Variants in CAST observed in about 807,000 individuals in gnomAD.
CAST encodes the protein MIR583 host.
A neutral mutation model predicts 119.6 loss-of-function variants in CAST; 76 were observed. The ratio of observed to expected loss-of-function variants is 0.64; its 90% confidence interval spans 0.53 to 0.77. The LOEUF is 0.77. CAST is among the 30% of genes least tolerant of loss of function. The pLI, the probability that CAST is intolerant of heterozygous loss-of-function variation, is 0.00. For missense variants in CAST, 953 were observed against 946.5 expected (o/e 1.01, Z -0.09); for synonymous variants, 319 against 331.6 (o/e 0.96, Z 0.41).
the CAST span, among the ~76,000 whole-genome samples, chr5:96,163,068 C>A: frequency 6.6e-6 from 1 of 152,096 alleles, no homozygotes; most frequent in Non-Finnish European, 1.5e-5. Context: ...CAACATCTTT[C>A]CTTTTTATAG....
At chr5:96,059,983 G>A in the CAST span, among the ~76,000 whole-genome samples, 1 of 152,044 alleles carries the variant, frequency 6.6e-6, no homozygotes, top group African/African-American at 2.4e-5. Flanking sequence ...AAACCATACA[G>A]ATCCTGAAGG....
the CAST span, among the ~76,000 whole-genome samples, chr5:96,073,077 CA>C: frequency 2.0e-5 from 3 of 152,180 alleles, no homozygotes; most frequent in African/African-American, 7.2e-5. Context: ...GAGCACTTAC[CA>C]AAAGTTTTTC....
intron 4 of CAST, among the ~76,000 whole-genome samples, chr5:96,725,608 C>T (rs1367906677): frequency 6.6e-6 from 1 of 152,178 alleles, no homozygotes; most frequent in East Asian, 1.9e-4. Context: ...TTATTATATT[C>T]AGCACAATCA....
At chr5:96,054,755 T>C in the CAST span, among the ~76,000 whole-genome samples, 1 of 152,220 alleles carries the variant, frequency 6.6e-6, no homozygotes, top group South Asian at 2.1e-4. Context: ...GAGTGCATTT[T>C]CCTTCTAATA....
the CAST span, among the ~76,000 whole-genome samples, chr5:96,315,988 A>G: frequency 5.3e-5 from 8 of 152,294 alleles, no homozygotes; most frequent in South Asian, 2.1e-4. Context: ...AGTACCCCCA[A>G]GTGAACTCCT....
At chr5:96,727,714 T>C (rs926490960) in intron 6 of CAST, among the ~76,000 whole-genome samples, 184 bp downstream of exon 6, 3 of 152,114 alleles carry the variant, frequency 2.0e-5, no homozygotes, top group African/African-American at 7.2e-5. Flanking sequence ...TAAGTCCGTA[T>C]ATTGTTAAAA....
At chr5:96,525,163 T>C (rs1745577890), upstream of CAST, 1 of 152,266 alleles carries the variant, frequency 6.6e-6, no homozygotes, top group African/African-American at 2.4e-5. Context: ...ATTTCACTGA[T>C]GCTTTGTCAG....
chr5:96,437,679 C>T, the CAST span, among the ~76,000 whole-genome samples: 1 of 152,062 alleles, frequency 6.6e-6, no homozygotes. Context: ...AAATGCAGAC[C>T]CTCAGCCCCC....
chr5:96,628,680 G>A (rs971823176), intron 1 of CAST, among the ~76,000 whole-genome samples: 1 of 152,170 alleles, frequency 6.6e-6, no homozygotes, highest in African/African-American at 2.4e-5. Flanking sequence ...TCAGTGAAGG[G>A]AGGATAATAA....
chr5:96,367,294 C>G, the CAST span, among the ~76,000 whole-genome samples: 4 of 103,500 alleles, frequency 3.9e-5, no homozygotes, highest in Non-Finnish European at 8.5e-5. Flanking sequence ...AGGGGGCAGT[C>G]TGTCCATTCT....
chr5:96,482,457 C>G, the CAST span, among the ~76,000 whole-genome samples: 1 of 151,570 alleles, frequency 6.6e-6, no homozygotes, highest in Admixed American at 6.6e-5. Context: ...CTCCAGGTCT[C>G]TTAGAGGAAT....
the CAST span, among the ~76,000 whole-genome samples, chr5:96,010,090 A>G: frequency 6.6e-6 from 1 of 152,184 alleles, no homozygotes; most frequent in South Asian, 2.1e-4. Flanking sequence ...CTTGTCAAAG[A>G]TCAGATGGTT....
intron 1 of CAST, among the ~76,000 whole-genome samples, chr5:96,619,890 C>G (rs572817533): frequency 6.6e-6 from 1 of 152,324 alleles, no homozygotes; most frequent in South Asian, 2.1e-4. Flanking sequence ...GGTTACCTGA[C>G]TTGAATTGGG....
At chr5:96,417,370 T>G in the CAST span, among the ~76,000 whole-genome samples, 1 of 152,110 alleles carries the variant, frequency 6.6e-6, no homozygotes, top group Non-Finnish European at 1.5e-5. Context: ...AACACCTGCT[T>G]CTTTTATGTA....
At chr5:96,462,606 A>G in the CAST span, among the ~76,000 whole-genome samples, 1 of 152,104 alleles carries the variant, frequency 6.6e-6, no homozygotes, top group South Asian at 2.1e-4. Flanking sequence ...TCCACTTCTC[A>G]ATAAAAATTT....
the CAST span, chr5:96,408,448 C>T: frequency 8.4e-6 from 6 of 714,960 alleles, no homozygotes; most frequent in Admixed American, 2.0e-5. Context: ...ATTCGATTGC[C>T]TACTTTCTCC....
At chr5:96,430,265 T>G in the CAST span, among the ~76,000 whole-genome samples, 3,745 of 152,304 alleles carry the variant, frequency 0.025, 153 homozygotes, top group African/African-American at 0.086. Flanking sequence ...CTCCCTTTAC[T>G]CAGTACTAAA....
chr5:96,469,872 T>TATATATAATATATATATA, the CAST span, among the ~76,000 whole-genome samples: 1 of 101,842 alleles, frequency 9.8e-6, no homozygotes, highest in African/African-American at 4.9e-5. Context: ...TGTGTATATA[T>TATATATAATATATATATA]ATATATAATA....
chr5:96,364,668 TA>T, the CAST span, among the ~76,000 whole-genome samples: 1 of 152,250 alleles, frequency 6.6e-6, no homozygotes, highest in Non-Finnish European at 1.5e-5. Flanking sequence ...TTGGTGGTGA[TA>T]TCCCCTTTAT....
Sources: allele counts gnomAD v4.1 joint callset (sites outside exome capture counted in the v4.1 genomes callset), GRCh38; gene constraint gnomAD v4.1.1; transcripts MANE v1.5; gene names NCBI Gene and HGNC (gene_info 2026-07-23, HGNC 2026-07-21).